The following CHUK variants were observed in gnomAD, a reference collection of about 807,000 sequenced individuals.
CHUK encodes inhibitor of nuclear factor kappa-B kinase subunit alpha.
CHUK carries 35 observed loss-of-function variants against 104.8 expected under a neutral mutation model. The ratio of observed to expected loss-of-function variants is 0.33; its 90% CI spans 0.26 to 0.44. CHUK has a LOEUF of 0.44. CHUK is among the 20% of genes least tolerant of loss of function. The pLI, the probability that CHUK is intolerant of heterozygous loss-of-function variation, is 1.00. For missense variants in CHUK, 663 were observed against 902.7 expected, an observed-to-expected ratio of 0.73 and a Z score of 3.40; for synonymous variants, 276 against 291.9, an observed-to-expected ratio of 0.95 and a Z score of 0.56.
chr10:100,218,142 AC>A lies in CHUK; in HGVS notation c.798-13del, dbSNP rs1845902344. 6.2e-7 allele frequency: 1 copy of A among 1,604,148 alleles called. No homozygotes were observed. The highest frequency in any genetic ancestry group is 8.5e-7 in the Non-Finnish European group (1 of 1,170,888). On this transcript the variant is annotated splice_polypyrimidine_tract_variant and intron_variant, in intron 8 of 20. Transcript: ENST00000370397. ...GTTCTACTACTAAACTAGAAAACAT[AC>A]AAAATAGGGTGAAAATCAAATCATT...
intron 2 of CHUK, among the ~76,000 whole-genome samples, chr10:100,223,613 AAAAAAAAAG>A (rs1380095884): frequency 9.3e-4 from 142 of 151,960 alleles, no homozygotes; most frequent in African/African-American, 3.3e-3. Context: ...TCTCTTTTAA[AAAAAAAAAG>A]AAAAAAAGAA....
intron 9 of CHUK, among the ~76,000 whole-genome samples, chr10:100,210,091 A>ATTTTTTTTTTT (rs11436816): frequency 6.0e-4 from 73 of 121,820 alleles, no homozygotes; most frequent in African/African-American, 2.0e-3. Flanking sequence ...TTATTTATTT[A>ATTTTTTTTTTT]TTTTTTTTTT....
intron 11 of CHUK, among the ~76,000 whole-genome samples, chr10:100,206,217 A>C (rs538873003): frequency 1.5e-4 from 23 of 152,244 alleles, no homozygotes; most frequent in African/African-American, 4.6e-4. Context: ...AATGTAACAA[A>C]TACATCATAC....
intron 9 of CHUK, among the ~76,000 whole-genome samples, chr10:100,216,200 T>C (rs1845851894): frequency 6.6e-6 from 1 of 152,222 alleles, no homozygotes; most frequent in Non-Finnish European, 1.5e-5. Context: ...CTATGATTCC[T>C]ATGACAAGTA....
downstream of CHUK, chr10:100,187,150 T>G (rs1262137440): frequency 6.6e-6 from 1 of 152,258 alleles, no homozygotes; most frequent in Admixed American, 6.5e-5. Flanking sequence ...GGCCCAGGGC[T>G]TGGGGACCCC....
intron 10 of CHUK, among the ~76,000 whole-genome samples, chr10:100,208,782 T>TAAAAA (rs56149905): frequency 1.6e-5 from 2 of 125,526 alleles, no homozygotes; most frequent in Admixed American, 1.6e-4. Context: ...CAAGACTGTC[T>TAAAAA]AAAAAAAAAA....
intron 19 of CHUK, among the ~76,000 whole-genome samples, 191 bp from the exon 20 acceptor site, chr10:100,191,159 G>A (rs1845192616): frequency 6.6e-6 from 1 of 152,176 alleles, no homozygotes; most frequent in Non-Finnish European, 1.5e-5. Flanking sequence ...AGACCAGGCT[G>A]CTGCCTCTAC....
chr10:100,193,663 GAAGA>G lies in CHUK; in HGVS notation c.1975-236_1975-233del, dbSNP rs551471158. On this transcript the variant is annotated intron_variant, in intron 18 of 20. Coordinates refer to ENST00000370397, the MANE Select transcript of CHUK (RefSeq NM_001278.5). Reference sequence around the variant, plus strand: ...CCACTCATCTTATACCATTTTAGTTGAAGAAAGAAAAAAAAAACCCAGTTGAATA... The same window carrying G: ...CCACTCATCTTATACCATTTTAGTTGAAGAAAAAAAAAACCCAGTTGAATA... 5.8e-4 allele frequency: 352 copies of G among 603,792 alleles called. 1 individual carries two copies. Among genetic ancestry groups the G allele is most frequent in the Middle Eastern group, 3.1e-3 (7 of 2,240 alleles). The allele number at this position is 603,792 out of a possible 1,614,324, so 37.4% of individuals were successfully genotyped here. A position where few individuals can be genotyped will look rare whatever the true frequency, so the allele number is the denominator to read the frequency against.
chr10:100,196,152 C>G (rs747129489), intron 16 of CHUK, among the ~76,000 whole-genome samples: 16 of 152,108 alleles, frequency 1.1e-4, no homozygotes, highest in Non-Finnish European at 1.9e-4. Context: ...TATTTGAAAT[C>G]TTAGATTTTA....
intron 9 of CHUK, among the ~76,000 whole-genome samples, chr10:100,213,503 A>AC (rs146536701): frequency 4.6e-5 from 7 of 151,380 alleles, no homozygotes; most frequent in African/African-American, 1.7e-4. Flanking sequence ...AAAAAAAAAA[A>AC]TTAAAAGCGT....
chr10:100,196,554 T>C (rs1418095840), intron 16 of CHUK, among the ~76,000 whole-genome samples: 1 of 151,984 alleles, frequency 6.6e-6, no homozygotes, highest in Non-Finnish European at 1.5e-5. Flanking sequence ...CACCCAGCTT[T>C]TTAAAAATTT....
At chr10:100,191,078 G>A (rs1845189496) in intron 19 of CHUK, 110 bp from the exon 20 acceptor site, 5 of 760,728 alleles carry the variant, frequency 6.6e-6, no homozygotes, top group Non-Finnish European at 1.2e-5. Flanking sequence ...CTGTAACCCA[G>A]TACCCCAGTG....
intron 2 of CHUK, among the ~76,000 whole-genome samples, chr10:100,225,722 G>A (rs1846089601): frequency 6.6e-6 from 1 of 152,134 alleles, no homozygotes; most frequent in Non-Finnish European, 1.5e-5. Flanking sequence ...CCAACAGTGT[G>A]TAAGTGTCCT....
chr10:100,213,807 C>A (rs188208374), intron 9 of CHUK, among the ~76,000 whole-genome samples: 107 of 152,260 alleles, frequency 7.0e-4, no homozygotes, highest in Non-Finnish European at 1.4e-3. Flanking sequence ...CAGGCATGAG[C>A]CACCACACCT....
intron 16 of CHUK, chr10:100,195,398 A>T (rs1845301486): frequency 6.6e-6 from 1 of 152,210 alleles, no homozygotes; most frequent in Admixed American, 6.5e-5. Context: ...GCATCAAAGG[A>T]GGTTTAAAAA....
At chr10:100,204,746 C>G in intron 12 of CHUK, 89 bp from the exon 13 acceptor site, 1 of 1,105,338 alleles carries the variant, frequency 9.0e-7, no homozygotes. Context: ...CATAAACTGC[C>G]ACAAGGCCAA....
intron 16 of CHUK, among the ~76,000 whole-genome samples, chr10:100,198,357 C>T (rs1235861224): frequency 2.6e-5 from 4 of 152,128 alleles, no homozygotes; most frequent in Non-Finnish European, 5.9e-5. Context: ...CATACTCAAG[C>T]GTTGAGATTT....
intron 8 of CHUK, 30 bp downstream of exon 8, chr10:100,218,688 G>A (rs1845917610): frequency 7.0e-7 from 1 of 1,437,304 alleles, no homozygotes; most frequent in East Asian, 2.3e-5. Flanking sequence ...GAGAAACTGA[G>A]GCAAACTTCC....
At chr10:100,194,720 G>A in intron 16 of CHUK, 199 bp from the exon 17 acceptor site, 1 of 433,462 alleles carries the variant, frequency 2.3e-6, no homozygotes, top group Non-Finnish European at 4.2e-6. Flanking sequence ...AAAAAATAAA[G>A]TTTGCAGGTG....
Sources: gnomAD v4.1 joint callset for allele counts (sites outside exome capture counted in the v4.1 genomes callset) on GRCh38, gnomAD v4.1.1 for gene constraint, MANE v1.5 for transcripts, NCBI Gene and HGNC (gene_info 2026-07-23, HGNC 2026-07-21) for gene names.